Variants in PXDNL observed in about 807,000 individuals in gnomAD.
PXDNL encodes the protein probable oxidoreductase PXDNL.
In PXDNL, 145 loss-of-function variants were observed where a neutral mutation model predicts 150.8. The observed-to-expected ratio is 0.96, with a 90% confidence interval of 0.84 to 1.10. The LOEUF is 1.10. Ranked by LOEUF, PXDNL falls within the 50% of genes least tolerant of loss-of-function variation. PXDNL has a pLI of 0.00. For synonymous variants in PXDNL, 757 were observed against 725.7 expected, an observed-to-expected ratio of 1.04 and a Z score of -0.69; for missense variants, 2,087 against 1,873.9, an observed-to-expected ratio of 1.11 and a Z score of -2.10.
chr8:51,708,484 C>A (rs372134377), intron 1 of PXDNL, among the ~76,000 whole-genome samples: 385 of 152,286 alleles, frequency 2.5e-3, no homozygotes, highest in African/African-American at 8.6e-3. Context: ...AAACAGAACC[C>A]TTATGAACTT....
At chr8:51,577,955 GAA>G (rs1234912893) in intron 3 of PXDNL, among the ~76,000 whole-genome samples, 1 of 82,774 alleles carries the variant, frequency 1.2e-5, no homozygotes, top group South Asian at 4.1e-4. Flanking sequence ...AAGAAAGAAA[GAA>G]AGAAAGAAAG....
chr8:51,647,286 C>T (rs889893286), intron 2 of PXDNL, among the ~76,000 whole-genome samples: 2 of 152,066 alleles, frequency 1.3e-5, no homozygotes, highest in African/African-American at 4.8e-5. Flanking sequence ...GGCATCCACC[C>T]CAGAAATTTC....
intron 17 of PXDNL, among the ~76,000 whole-genome samples, chr8:51,375,553 C>T (rs1025975332): frequency 6.6e-6 from 1 of 152,158 alleles, no homozygotes; most frequent in Non-Finnish European, 1.5e-5. Flanking sequence ...TTCATACTTC[C>T]TTTTTCTCAC....
chr8:51,509,214 A>C (rs1811356271), intron 4 of PXDNL, among the ~76,000 whole-genome samples: 1 of 152,200 alleles, frequency 6.6e-6, no homozygotes, highest in Non-Finnish European at 1.5e-5. Flanking sequence ...CAATGTATAC[A>C]TGTATCTAAG....
At chr8:51,730,982 G>T (rs1454999214) in intron 1 of PXDNL, among the ~76,000 whole-genome samples, 2 of 152,150 alleles carry the variant, frequency 1.3e-5, no homozygotes, top group African/African-American at 4.8e-5. Context: ...TTCAAGATGA[G>T]ATTTAGGTGG....
At chr8:51,449,622 G>A (rs1435856058) in intron 10 of PXDNL, among the ~76,000 whole-genome samples, 3 of 152,158 alleles carry the variant, frequency 2.0e-5, no homozygotes, top group Non-Finnish European at 4.4e-5. Context: ...AAAATTCAGA[G>A]TTCCAAATAT....
intron 1 of PXDNL, among the ~76,000 whole-genome samples, chr8:51,693,079 C>T (rs914717579): frequency 6.6e-6 from 1 of 152,198 alleles, no homozygotes. Flanking sequence ...AGATCAGAGC[C>T]TCTATCTGTC....
At chr8:51,378,481 T>C (rs111670804) in intron 17 of PXDNL, among the ~76,000 whole-genome samples, 2,614 of 152,310 alleles carry the variant, frequency 0.017, 81 homozygotes, top group African/African-American at 0.058. Context: ...CTCTGTAAAA[T>C]GGACCAATCA....
chr8:51,772,184 GTCTCTCTC>G (rs139453513), intron 1 of PXDNL, among the ~76,000 whole-genome samples: 1 of 147,982 alleles, frequency 6.8e-6, no homozygotes, highest in Non-Finnish European at 1.5e-5. Flanking sequence ...CTGGCTCTGG[GTCTCTCTC>G]TCTCTCTCTC....
At chr8:51,762,887 T>A (rs1011252760) in intron 1 of PXDNL, among the ~76,000 whole-genome samples, 1 of 152,198 alleles carries the variant, frequency 6.6e-6, no homozygotes, top group African/African-American at 2.4e-5. Context: ...CAGTCTCTCA[T>A]CTTTCAAATG....
At chr8:51,701,941 A>G (rs1163280977) in intron 1 of PXDNL, among the ~76,000 whole-genome samples, 1 of 152,184 alleles carries the variant, frequency 6.6e-6, no homozygotes, top group East Asian at 1.9e-4. Context: ...AAACTCCTGA[A>G]GCCTGAGCCC....
intron 1 of PXDNL, among the ~76,000 whole-genome samples, chr8:51,742,254 C>T (rs142122905): frequency 3.9e-4 from 59 of 152,264 alleles, no homozygotes; most frequent in African/African-American, 1.4e-3. Flanking sequence ...GGAGGGATGA[C>T]AGGGACTGTA....
intron 19 of PXDNL, among the ~76,000 whole-genome samples, chr8:51,369,326 G>T (rs571769815): frequency 2.2e-4 from 33 of 152,318 alleles, no homozygotes; most frequent in African/African-American, 7.9e-4. Flanking sequence ...GTTCCTCAGA[G>T]ATCTGAATGT....
At chr8:51,384,224 G>A (rs895780961) in intron 17 of PXDNL, among the ~76,000 whole-genome samples, 16 of 152,032 alleles carry the variant, frequency 1.1e-4, no homozygotes, top group African/African-American at 3.9e-4. Context: ...TCTGCCTCAG[G>A]ATGACTGCAT....
chr8:51,767,470 T>C lies in PXDNL; in HGVS notation c.164+41711A>G, dbSNP rs908627295. On this transcript the variant is annotated intron_variant, in intron 1 of 22. Transcript: ENST00000356297. ...TTCTACTCAGTTAGCTAATTGTTAG[T>C]TAGCTAATTATTAGACAGAGATTTC... is the stretch of plus-strand genomic sequence containing the variant. Among the ~76,000 whole-genome samples, 6 of 152,154 alleles carry C rather than the reference T, an allele frequency of 3.9e-5. No homozygotes were observed. The East Asian group carries it at 1.2e-3, about 29-fold the overall frequency.
intron 19 of PXDNL, among the ~76,000 whole-genome samples, chr8:51,370,055 A>T (rs1807052536): frequency 1.3e-5 from 2 of 152,204 alleles, no homozygotes. Flanking sequence ...CAGAGGAAAG[A>T]GCCGAGGCCT....
intron 17 of PXDNL, among the ~76,000 whole-genome samples, chr8:51,400,017 C>T (rs1808200210): frequency 2.6e-5 from 4 of 152,038 alleles, no homozygotes; most frequent in African/African-American, 9.7e-5. Flanking sequence ...TATCATAGTA[C>T]TAAACAATTT....
chr8:51,614,469 C>T (rs1057208210), intron 2 of PXDNL, among the ~76,000 whole-genome samples: 5 of 152,162 alleles, frequency 3.3e-5, no homozygotes, highest in African/African-American at 1.2e-4. Context: ...ATTTACTATA[C>T]CTTATTTTCC....
rs147930044 is a variant in PXDNL at position 51,758,022 on chromosome 8, T to C, written c.164+51159A>G. Among the ~76,000 whole-genome samples the C allele has an allele frequency of 1.8e-4, 27 of 152,242 alleles. No individual in the cohort carries two copies. The East Asian group carries it at 5.2e-3, about 29-fold the overall frequency. ...TATTTTTCATGTACTTTGAAAAGTT[T>C]TTTTAATAATATAAACTACCTTAAA... On this transcript the variant is annotated intron_variant, in intron 1 of 22. Transcript: ENST00000356297.
Sources: allele counts gnomAD v4.1 joint callset (sites outside exome capture counted in the v4.1 genomes callset), GRCh38; gene constraint gnomAD v4.1.1; transcripts MANE v1.5; gene names NCBI Gene and HGNC (gene_info 2026-07-23, HGNC 2026-07-21).